The following LAMA2 variants were observed in gnomAD, a reference collection of about 807,000 sequenced individuals.
The protein encoded by LAMA2 is laminin subunit alpha 2.
LAMA2 carries 269 observed loss-of-function variants against 364.8 expected under a neutral mutation model. The ratio of observed to expected loss-of-function variants is 0.74; its 90% CI spans 0.67 to 0.82. The LOEUF is 0.82. LAMA2 is among the 40% of genes least tolerant of loss of function. The pLI is 0.00. For synonymous variants in LAMA2, 1,379 were observed against 1,370.6 expected, an observed-to-expected ratio of 1.01 and a Z score of -0.14; for missense variants, 3,807 against 3,873.2, an observed-to-expected ratio of 0.98 and a Z score of 0.45.
intron 3 of LAMA2, among the ~76,000 whole-genome samples, chr6:129,069,456 A>G (rs1004119420): frequency 1.3e-5 from 2 of 148,550 alleles, no homozygotes; most frequent in African/African-American, 4.9e-5. Context: ...AAACAATTAT[A>G]TTATTTGTTT....
At chr6:129,284,672 A>C (rs1373840080) in intron 18 of LAMA2, among the ~76,000 whole-genome samples, 1 of 152,134 alleles carries the variant, frequency 6.6e-6, no homozygotes, top group Admixed American at 6.6e-5. Context: ...ATGGGGCAGA[A>C]TGAGACAAAA....
chr6:129,370,304 T>C (rs1013983024), intron 34 of LAMA2, among the ~76,000 whole-genome samples: 1 of 152,218 alleles, frequency 6.6e-6, no homozygotes, highest in Non-Finnish European at 1.5e-5. Context: ...CTATCTTTGA[T>C]TGTGTAAAGA....
At chr6:129,191,352 TG>T (rs1164330067) in intron 11 of LAMA2, among the ~76,000 whole-genome samples, 1 of 152,240 alleles carries the variant, frequency 6.6e-6, no homozygotes, top group African/African-American at 2.4e-5. Context: ...CCTCATATTA[TG>T]AAATATTATC....
intron 22 of LAMA2, among the ~76,000 whole-genome samples, chr6:129,309,244 G>A (rs538226336): frequency 6.6e-6 from 1 of 152,302 alleles, no homozygotes; most frequent in African/African-American, 2.4e-5. Context: ...TCTTTCACTA[G>A]CAGGGGAATA....
At chr6:129,039,609 G>A (rs1786933173) in intron 1 of LAMA2, among the ~76,000 whole-genome samples, 1 of 152,226 alleles carries the variant, frequency 6.6e-6, no homozygotes, top group Admixed American at 6.5e-5. Context: ...AGGAAGGGCA[G>A]TGGTGCTCAA....
chr6:129,353,088 A>G, intron 31 of LAMA2, 76 bp from the exon 32 acceptor site: 1 of 1,190,096 alleles, frequency 8.4e-7, no homozygotes, highest in South Asian at 1.4e-5. Flanking sequence ...TTGCATCAAA[A>G]CAAAAGACCA....
chr6:128,952,124 G>A (rs1780860262), intron 1 of LAMA2, among the ~76,000 whole-genome samples: 1 of 152,082 alleles, frequency 6.6e-6, no homozygotes, highest in Non-Finnish European at 1.5e-5. Context: ...CCATGATCTT[G>A]CCACTGTGCT....
chr6:129,179,340 T>C (rs1780793684), intron 10 of LAMA2, among the ~76,000 whole-genome samples: 1 of 152,172 alleles, frequency 6.6e-6, no homozygotes, highest in African/African-American at 2.4e-5. Context: ...CCTGAGTTTC[T>C]AGAATATATA....
intron 40 of LAMA2, among the ~76,000 whole-genome samples, chr6:129,418,415 T>G (rs1780908980): frequency 6.6e-6 from 1 of 152,004 alleles, no homozygotes. Context: ...ATTCTGATGC[T>G]AGAAATCAGG....
intron 22 of LAMA2, among the ~76,000 whole-genome samples, chr6:129,303,995 T>C (rs937718154): frequency 4.6e-5 from 7 of 152,124 alleles, no homozygotes; most frequent in African/African-American, 1.7e-4. Context: ...AGAAATACTT[T>C]AGAGGAACCC....
At chr6:128,904,410 G>A (rs1329787809) in intron 1 of LAMA2, among the ~76,000 whole-genome samples, 3 of 150,564 alleles carry the variant, frequency 2.0e-5, no homozygotes, top group Non-Finnish European at 3.0e-5. Flanking sequence ...AGAAATATGT[G>A]GAGGTTGGAT....
intron 59 of LAMA2, 129 bp downstream of exon 59, chr6:129,502,900 A>G (rs1583911638): frequency 1.2e-6 from 1 of 857,222 alleles, no homozygotes; most frequent in East Asian, 2.6e-5. Context: ...ACTGAGTACA[A>G]TAGAGAATAG....
chr6:129,352,609 G>T (rs1776915007), intron 31 of LAMA2, among the ~76,000 whole-genome samples: 1 of 152,136 alleles, frequency 6.6e-6, no homozygotes, highest in Non-Finnish European at 1.5e-5. Context: ...GTATAGGGAA[G>T]CCCAGAAGTC....
At position 129,388,086 on chromosome 6, in the gene LAMA2, CA is replaced by C. The variant is rs1220188298; in HGVS notation, c.5072-3404del. Among the ~76,000 whole-genome samples the C allele has an allele frequency of 2.9e-3, 434 of 152,044 alleles. 3 individuals carry two copies. The highest frequency in any genetic ancestry group is 0.01 in the African/African-American group (427 of 41,452). ...CAGCCTGGCCAACATGGCAAAACCC[CA>C]TCTCTACTAAAAATACAAAAATCAG... is the stretch of plus-strand genomic sequence containing the variant. On this transcript the variant is annotated intron_variant, in intron 35 of 64. Transcript: ENST00000421865.
rs1230540860 is a variant in LAMA2 at position 129,287,101 on chromosome 6, G to A, written c.2538-746G>A. 2.4e-5 allele frequency among the ~76,000 whole-genome samples: 3 copies of A among 122,988 alleles called. No homozygotes were observed. The East Asian group carries it at 6.9e-4, about 28-fold the overall frequency. The allele number at this position is 122,988 out of a possible 152,430, so 80.7% of individuals were successfully genotyped here. A position where few individuals can be genotyped will look rare whatever the true frequency, so the allele number is the denominator to read the frequency against. Reference sequence around the variant, plus strand: ...AGGGAGGGAGGGAAGGAGGGAAGGAGGGAGGAAGGAAGGAAGAGAGAGAGA... The same window carrying A: ...AGGGAGGGAGGGAAGGAGGGAAGGAAGGAGGAAGGAAGGAAGAGAGAGAGA... On this transcript the variant is annotated intron_variant, in intron 18 of 64. Coordinates refer to ENST00000421865, the MANE Select transcript of LAMA2 (RefSeq NM_000426.4).
intron 12 of LAMA2, among the ~76,000 whole-genome samples, chr6:129,198,808 C>T (rs1354656899): frequency 6.6e-6 from 1 of 151,966 alleles, no homozygotes; most frequent in South Asian, 2.1e-4. Context: ...CTTAAAAAAA[C>T]TGACTCAAAG....
chr6:129,105,098 A>C (rs1775742839), intron 4 of LAMA2, among the ~76,000 whole-genome samples: 1 of 152,224 alleles, frequency 6.6e-6, no homozygotes, highest in African/African-American at 2.4e-5. Context: ...TGCCAAGAGA[A>C]GGCTCAGCAG....
At chr6:129,401,477 C>T in intron 38 of LAMA2, 137 bp downstream of exon 38, 1 of 698,546 alleles carries the variant, frequency 1.4e-6, no homozygotes, top group Non-Finnish European at 2.6e-6. Context: ...TCTACTGTGA[C>T]CATGCCTATC....
At chr6:129,489,593 C>T (rs1784760530) in intron 56 of LAMA2, among the ~76,000 whole-genome samples, 1 of 152,270 alleles carries the variant, frequency 6.6e-6, no homozygotes, top group Non-Finnish European at 1.5e-5. Context: ...AAGCTTTCTT[C>T]ACACAGGTAC....
Sources: gnomAD v4.1 joint callset for allele counts (sites outside exome capture counted in the v4.1 genomes callset) on GRCh38, gnomAD v4.1.1 for gene constraint, MANE v1.5 for transcripts, NCBI Gene and HGNC (gene_info 2026-07-23, HGNC 2026-07-21) for gene names.